The following PKHD1L1 variants were observed in gnomAD, a reference collection of about 807,000 sequenced individuals.
The protein encoded by PKHD1L1 is PKHD1 like 1, also known as fibrocystin-L.
PKHD1L1 carries 434 observed loss-of-function variants against 462.9 expected under a neutral mutation model. That is an observed-to-expected ratio of 0.94 (90% CI 0.87 to 1.02). The LOEUF (loss-of-function observed/expected upper bound fraction) is 1.02, where lower values mean the gene tolerates loss of function less well. Among genes scored for constraint, PKHD1L1 ranks in the 50% least tolerant of loss-of-function variants. The pLI, the probability that PKHD1L1 is intolerant of heterozygous loss-of-function variation, is 0.00. For missense variants in PKHD1L1, 5,202 were observed against 5,096.1 expected, an observed-to-expected ratio of 1.02 and a Z score of -0.63; for synonymous variants, 1,781 against 1,750.0, an observed-to-expected ratio of 1.02 and a Z score of -0.44.
intron 21 of PKHD1L1, among the ~76,000 whole-genome samples, chr8:109,415,864 G>A (rs9656883): frequency 3.0e-5 from 3 of 100,408 alleles, no homozygotes; most frequent in Non-Finnish European, 2.1e-5. Context: ...AAAAAAAAGG[G>A]GTGTGTGTGT....
chr8:109,440,577 C>A, intron 32 of PKHD1L1, 133 bp from the exon 33 acceptor site: 1 of 663,258 alleles, frequency 1.5e-6, no homozygotes, highest in Non-Finnish European at 2.3e-6. Context: ...GCCAGATTGT[C>A]TATCTTGAAA....
At position 109,505,340 on chromosome 8, in the gene PKHD1L1, T is replaced by C. The variant is rs114472501; in HGVS notation, c.10994+848T>C. On this transcript the variant is annotated intron_variant, in intron 68 of 77. Transcript: ENST00000378402. ...GTGCTTGGAAATTAAATGTCAGCCA[T>C]TATAATCACTGTGATTATAAATACA... Among the ~76,000 whole-genome samples, 948 of 152,288 alleles carry C rather than the reference T, an allele frequency of 6.2e-3. 11 individuals are homozygous for C. Among genetic ancestry groups the C allele is most frequent in the African/African-American group, 0.022 (905 of 41,560 alleles).
intron 30 of PKHD1L1, 30 bp downstream of exon 30, chr8:109,436,489 C>A: frequency 6.2e-7 from 1 of 1,607,770 alleles, no homozygotes; most frequent in Non-Finnish European, 8.5e-7. Flanking sequence ...TCACTTTTTC[C>A]TCCTAAGTCT....
chr8:109,444,564 A>AT (rs1298285455), intron 37 of PKHD1L1, 97 bp from the exon 38 acceptor site: 22 of 1,142,410 alleles, frequency 1.9e-5, no homozygotes, highest in Non-Finnish European at 2.7e-5. Context: ...TTTGCACATG[A>AT]TTAACTTTTA....
chr8:109,420,937 C>T (rs968465219), intron 23 of PKHD1L1, among the ~76,000 whole-genome samples: 8 of 151,942 alleles, frequency 5.3e-5, no homozygotes, highest in African/African-American at 1.2e-4. Flanking sequence ...AGAGTTTTCT[C>T]TGTGGACGTA....
chr8:109,437,029 C>T (rs986978787), intron 30 of PKHD1L1, among the ~76,000 whole-genome samples: 1 of 152,210 alleles, frequency 6.6e-6, no homozygotes, highest in Non-Finnish European at 1.5e-5. Context: ...GATTCTCCTG[C>T]CTCAGCCTCC....
chr8:109,459,493 C>T, intron 46 of PKHD1L1, 102 bp from the exon 47 acceptor site: 2 of 853,512 alleles, frequency 2.3e-6, no homozygotes, highest in Non-Finnish European at 1.7e-6. Flanking sequence ...GAATAGTTTC[C>T]TATTTTGCAG....
chr8:109,379,857 T>A (rs992823052), intron 2 of PKHD1L1, among the ~76,000 whole-genome samples: 1 of 152,190 alleles, frequency 6.6e-6, no homozygotes, highest in African/African-American at 2.4e-5. Flanking sequence ...CTAATTATCA[T>A]AAAGAAATAG....
chr8:109,456,391 G>C lies in PKHD1L1; in HGVS notation c.7004G>C (p.Arg2335Thr). ...ATTGTAATTGCAAGCACAGGACACA[G>C]GTATGATATCTTCTGGGCTTAATGA... ...DNIVIASTGH[R>T]HSQGENEKMT... is the part of the protein sequence containing the mutation. Residue 2335 changes from arginine (R) to threonine (T), a missense_variant and splice_region_variant, in exon 46 of 78, where the codon AGA becomes ACA. Coordinates refer to ENST00000378402, the MANE Select transcript of PKHD1L1 (RefSeq NM_177531.6). 6.2e-7 allele frequency: 1 copy of C among 1,602,222 alleles called. No homozygotes were observed.
chr8:109,508,059 C>A, intron 69 of PKHD1L1, 38 bp from the exon 70 acceptor site: 1 of 1,546,308 alleles, frequency 6.5e-7, no homozygotes, highest in Non-Finnish European at 8.7e-7. Context: ...CAAAGAGATT[C>A]TGTATTATTG....
intron 6 of PKHD1L1, among the ~76,000 whole-genome samples, chr8:109,388,029 G>A (rs1348323667): frequency 6.6e-6 from 1 of 152,140 alleles, no homozygotes; most frequent in African/African-American, 2.4e-5. Flanking sequence ...TGTCACTGAT[G>A]CTGTTAGACA....
intron 77 of PKHD1L1, 62 bp from the exon 78 acceptor site, chr8:109,530,018 T>C (rs1820993468): frequency 3.0e-6 from 3 of 1,004,860 alleles, no homozygotes. Context: ...TGAAATATAT[T>C]TTAAATTATA....
chr8:109,536,421 A>T lies in PKHD1L1; in HGVS notation c.*6331A>T, dbSNP rs148827918. 2.0e-5 allele frequency among the ~76,000 whole-genome samples: 3 copies of T among 152,326 alleles called. No individual in the cohort carries two copies. The highest frequency in any genetic ancestry group is 1.9e-4 in the East Asian group (1 of 5,190). On this transcript the variant is annotated 3_prime_UTR_variant, in exon 78 of 78. Coordinates refer to ENST00000378402, the MANE Select transcript of PKHD1L1 (RefSeq NM_177531.6). The stretch of plus-strand genomic sequence containing the variant: ...TGTTTTATTTCTACTTTCTCAATCC[A>T]TGTACAAGATAGATTTACAAACTAC...
chr8:109,413,397 A>G (rs776836910), intron 20 of PKHD1L1, 24 bp from the exon 21 acceptor site: 2 of 1,428,876 alleles, frequency 1.4e-6, no homozygotes, highest in South Asian at 1.4e-5. Context: ...TATTGTTACC[A>G]ATGTTTTTCA....
chr8:109,467,258 T>C (rs748380394), intron 50 of PKHD1L1, among the ~76,000 whole-genome samples: 1 of 152,158 alleles, frequency 6.6e-6, no homozygotes, highest in Admixed American at 6.6e-5. Flanking sequence ...TTACTGTCAT[T>C]GTTCATAATC....
intron 40 of PKHD1L1, among the ~76,000 whole-genome samples, chr8:109,450,015 T>C (rs1241249901): frequency 6.6e-6 from 1 of 152,216 alleles, no homozygotes; most frequent in Non-Finnish European, 1.5e-5. Flanking sequence ...TAGGACCATA[T>C]GTAATTTGCT....
intron 2 of PKHD1L1, among the ~76,000 whole-genome samples, chr8:109,366,603 ATTC>A (rs1339011825): frequency 2.0e-5 from 3 of 152,150 alleles, no homozygotes; most frequent in African/African-American, 7.2e-5. Context: ...CTTGTTACAT[ATTC>A]TTATCAAAAA....
At chr8:109,502,051 C>T (rs1217939141) in intron 67 of PKHD1L1, among the ~76,000 whole-genome samples, 1 of 151,770 alleles carries the variant, frequency 6.6e-6, no homozygotes, top group Non-Finnish European at 1.5e-5. Flanking sequence ...GATCTTCCCA[C>T]ACCACACCAC....
Position 109,464,828 on chromosome 8 carries a change from G to C in PKHD1L1, c.7996G>C (p.Gly2666Arg). 1 of 1,613,790 alleles carries C rather than the reference G, an allele frequency of 6.2e-7. No individual in the cohort carries two copies. Among genetic ancestry groups the C allele is most frequent in the Non-Finnish European group, 8.5e-7 (1 of 1,179,786 alleles). Residue 2666 changes from glycine (G) to arginine (R), a missense_variant, in exon 49 of 78, where the codon GGT becomes CGT. Coordinates refer to ENST00000378402, the MANE Select transcript of PKHD1L1 (RefSeq NM_177531.6). ...AAAAGGAGCTGAATGGGTCAATGGA[G>C]GTGCCCTTCAGTTCCATAACTTTGT... ...CQKGAEWVNG[G>R]ALQFHNFVMV...
Sources: allele counts gnomAD v4.1 joint callset (sites outside exome capture counted in the v4.1 genomes callset), GRCh38; gene constraint gnomAD v4.1.1; transcripts MANE v1.5; gene names NCBI Gene and HGNC (gene_info 2026-07-23, HGNC 2026-07-21).